Variants in FMNL2 observed in about 807,000 individuals in gnomAD.
FMNL2 encodes the protein formin-like protein 2.
Under a neutral mutation model 130.2 loss-of-function variants are expected in FMNL2, and 51 were observed. The observed-to-expected ratio is 0.39, with a 90% CI of 0.31 to 0.49. The LOEUF (loss-of-function observed/expected upper bound fraction) is 0.49. FMNL2 is among the 20% of genes least tolerant of loss of function. The probability of loss-of-function intolerance (pLI) is 0.85; values close to 1 mark genes in which losing one functional copy is unlikely to be tolerated. For missense variants in FMNL2, 977 were observed against 1,316.2 expected (o/e 0.74, Z 3.99); for synonymous variants, 465 against 467.1 (o/e 1.00, Z 0.06).
At chr2:152,589,835 C>T (rs1345501779) in intron 9 of FMNL2, among the ~76,000 whole-genome samples, 1 of 151,014 alleles carries the variant, frequency 6.6e-6, no homozygotes. Context: ...CTTCCCTGCT[C>T]TTCTACTCCC....
chr2:152,353,957 C>T (rs1682648918), intron 1 of FMNL2, among the ~76,000 whole-genome samples: 1 of 152,140 alleles, frequency 6.6e-6, no homozygotes, highest in Non-Finnish European at 1.5e-5. Context: ...GCTACTCTTG[C>T]CATAAGATTG....
Position 152,445,202 on chromosome 2 carries a change from C to T in FMNL2, c.118-76741C>T, listed in dbSNP as rs553072809. On this transcript the variant is annotated intron_variant, in intron 1 of 25. Transcript: ENST00000288670. ...GTCTGTGTTTCACCTGTGTGGCTAA[C>T]GTGGGCAACAGTGTCTTCTTCTTCC... Among the ~76,000 whole-genome samples the T allele has an allele frequency of 8.3e-4, 127 of 152,334 alleles. 1 individual carries two copies. Among genetic ancestry groups the T allele is most frequent in the South Asian group, 2.1e-4 (1 of 4,828 alleles).
At chr2:152,623,504 G>T (rs1681518687) in intron 15 of FMNL2, among the ~76,000 whole-genome samples, 2 of 150,412 alleles carry the variant, frequency 1.3e-5, no homozygotes, top group Admixed American at 1.3e-4. Context: ...GGATTTATCA[G>T]ATGACATTCC....
At chr2:152,644,356 G>A (rs892228807) in intron 25 of FMNL2, among the ~76,000 whole-genome samples, 9 of 152,198 alleles carry the variant, frequency 5.9e-5, no homozygotes, top group Admixed American at 2.0e-4. Flanking sequence ...TCAGGAATGC[G>A]AAGTGCTCTA....
intron 9 of FMNL2, among the ~76,000 whole-genome samples, chr2:152,581,486 T>C (rs1696776253): frequency 6.6e-6 from 1 of 152,174 alleles, no homozygotes; most frequent in Non-Finnish European, 1.5e-5. Flanking sequence ...GCGTGTAAGC[T>C]TAAGTGGGCT....
chr2:152,345,617 C>T (rs947687893), intron 1 of FMNL2, among the ~76,000 whole-genome samples: 4 of 152,208 alleles, frequency 2.6e-5, no homozygotes, highest in Admixed American at 6.5e-5. Context: ...AAGAAATTTT[C>T]TCTTTGGTGA....
At chr2:152,458,533 C>T (rs1468408739) in intron 1 of FMNL2, among the ~76,000 whole-genome samples, 4 of 152,222 alleles carry the variant, frequency 2.6e-5, no homozygotes, top group African/African-American at 9.6e-5. Context: ...CATCCTCACT[C>T]CACATTTGGA....
At chr2:152,364,272 T>G (rs1255236957) in intron 1 of FMNL2, among the ~76,000 whole-genome samples, 9 of 147,344 alleles carry the variant, frequency 6.1e-5, no homozygotes, top group Non-Finnish European at 1.0e-4. Flanking sequence ...TTTTTTTTTT[T>G]TTTTTTTTTT....
At chr2:152,590,591 G>GT (rs1697375773) in intron 9 of FMNL2, among the ~76,000 whole-genome samples, 1 of 151,956 alleles carries the variant, frequency 6.6e-6, no homozygotes, top group African/African-American at 2.4e-5. Context: ...TCCAGCCTAG[G>GT]TGACAGAGTA....
At chr2:152,382,183 A>G (rs1350907130) in intron 1 of FMNL2, among the ~76,000 whole-genome samples, 4 of 152,214 alleles carry the variant, frequency 2.6e-5, no homozygotes, top group African/African-American at 9.6e-5. Flanking sequence ...TGAAAGTTAC[A>G]TACTTAATAG....
intron 1 of FMNL2, among the ~76,000 whole-genome samples, chr2:152,488,646 G>GCA (rs137916030): frequency 6.6e-6 from 1 of 152,020 alleles, no homozygotes; most frequent in African/African-American, 2.4e-5. Context: ...ATGTATATAT[G>GCA]CACACACACA....
At position 152,631,466 on chromosome 2, in the gene FMNL2, G is replaced by T. The variant is rs13023529; in HGVS notation, c.2551-542G>T. Among the ~76,000 whole-genome samples, 1,332 of 151,728 alleles carry T rather than the reference G, an allele frequency of 8.8e-3. 7 individuals are homozygous for T. The highest frequency in any genetic ancestry group is 0.02 in the Middle Eastern group (6 of 294). ...CTTGAACACAAACACTGCAATAGGCGGCAGTTAACCTGATAACCCAGATGG... is the reference window on the plus strand; with the variant it reads ...CTTGAACACAAACACTGCAATAGGCTGCAGTTAACCTGATAACCCAGATGG... On this transcript the variant is annotated intron_variant, in intron 20 of 25. Coordinates refer to ENST00000288670, the MANE Select transcript of FMNL2 (RefSeq NM_052905.4).
At chr2:152,392,315 C>G (rs1197292428) in intron 1 of FMNL2, among the ~76,000 whole-genome samples, 2 of 151,998 alleles carry the variant, frequency 1.3e-5, no homozygotes, top group African/African-American at 4.8e-5. Context: ...CTTTTCTCTC[C>G]CCCCCACTCA....
At chr2:152,451,675 GTCA>G (rs1323074002) in intron 1 of FMNL2, among the ~76,000 whole-genome samples, 1 of 152,132 alleles carries the variant, frequency 6.6e-6, no homozygotes, top group Non-Finnish European at 1.5e-5. Flanking sequence ...GAGGTTGGAG[GTCA>G]GCCCGCTTGC....
chr2:152,557,054 A>G (rs919793694), intron 4 of FMNL2, among the ~76,000 whole-genome samples: 5 of 152,170 alleles, frequency 3.3e-5, no homozygotes, highest in Admixed American at 3.3e-4. Context: ...TCCAGACTTT[A>G]AGTCTCCAGC....
chr2:152,531,232 G>T (rs537723171), intron 2 of FMNL2, among the ~76,000 whole-genome samples: 1 of 152,252 alleles, frequency 6.6e-6, no homozygotes, highest in South Asian at 2.1e-4. Flanking sequence ...GGTTAGGTGT[G>T]TGCTTATATA....
Position 152,476,801 on chromosome 2 carries a change from T to TA in FMNL2, c.118-45136dup, listed in dbSNP as rs1558895292. 5.3e-5 allele frequency among the ~76,000 whole-genome samples: 8 copies of TA among 152,174 alleles called. No individual in the cohort carries two copies. In the South Asian group the frequency reaches 1.5e-3, roughly 28 times the overall value. ...TAAACTTGGTATTGTTTCTAGGGTT[T>TA]AAAAAATATTAATAATTATTATACT... On this transcript the variant is annotated intron_variant, in intron 1 of 25. Coordinates refer to ENST00000288670, the MANE Select transcript of FMNL2 (RefSeq NM_052905.4).
intron 7 of FMNL2, 93 bp downstream of exon 7, chr2:152,575,337 G>A: frequency 1.4e-6 from 1 of 694,558 alleles, no homozygotes; most frequent in Non-Finnish European, 2.3e-6. Context: ...TTGGGCGAAG[G>A]GTACAATAAA....
intron 1 of FMNL2, among the ~76,000 whole-genome samples, chr2:152,486,893 A>AG (rs1366877261): frequency 6.6e-6 from 1 of 152,256 alleles, no homozygotes; most frequent in Non-Finnish European, 1.5e-5. Context: ...ATATTCTAGC[A>AG]AAATATAACA....
Sources: gnomAD v4.1 joint callset for allele counts (sites outside exome capture counted in the v4.1 genomes callset) on GRCh38, gnomAD v4.1.1 for gene constraint, MANE v1.5 for transcripts, NCBI Gene and HGNC (gene_info 2026-07-23, HGNC 2026-07-21) for gene names.